The following GLRA3 variants were observed in gnomAD, a reference collection of about 807,000 sequenced individuals.
GLRA3 encodes glycine receptor alpha 3.
A neutral mutation model predicts 60.4 loss-of-function variants in GLRA3; 44 were observed. The ratio of observed to expected loss-of-function variants is 0.73; its 90% confidence interval spans 0.57 to 0.94. GLRA3 has a LOEUF of 0.94. Ranked by LOEUF, GLRA3 falls within the 40% of genes least tolerant of loss-of-function variation. The pLI, the probability that GLRA3 is intolerant of heterozygous loss-of-function variation, is 0.00. For missense variants in GLRA3, 508 were observed against 564.6 expected, an observed-to-expected ratio of 0.90 and a Z score of 1.02; for synonymous variants, 223 against 192.9, an observed-to-expected ratio of 1.16 and a Z score of -1.29.
intron 5 of GLRA3, among the ~76,000 whole-genome samples, chr4:174,710,481 A>G (rs1238044999): frequency 2.0e-5 from 3 of 152,144 alleles, no homozygotes; most frequent in African/African-American, 4.8e-5. Context: ...ATCTTTATGC[A>G]TAATTCTTCT....
chr4:174,797,696 G>T (rs1004099151), intron 1 of GLRA3, among the ~76,000 whole-genome samples: 8 of 152,146 alleles, frequency 5.3e-5, no homozygotes, highest in Admixed American at 3.3e-4. Context: ...GCACCGGGCG[G>T]CCAAGGTGGG....
intron 5 of GLRA3, among the ~76,000 whole-genome samples, chr4:174,695,754 CA>C (rs1180869025): frequency 6.6e-6 from 1 of 151,882 alleles, no homozygotes; most frequent in African/African-American, 2.4e-5. Context: ...TCAGGCAAGA[CA>C]AAGAAATAAA....
At chr4:174,682,736 T>C (rs765947624) in intron 6 of GLRA3, 66 bp downstream of exon 6, 1 of 1,166,440 alleles carries the variant, frequency 8.6e-7, no homozygotes, top group Non-Finnish European at 1.2e-6. Context: ...AGCATTATAA[T>C]GAAGAAACAT....
intron 1 of GLRA3, among the ~76,000 whole-genome samples, chr4:174,796,087 A>T (rs541442433): frequency 6.6e-6 from 1 of 152,280 alleles, no homozygotes; most frequent in South Asian, 2.1e-4. Context: ...CCCTAAGTTG[A>T]TGGTAATAGG....
chr4:174,665,778 G>A (rs1294133195), intron 7 of GLRA3, among the ~76,000 whole-genome samples: 1 of 152,062 alleles, frequency 6.6e-6, no homozygotes, highest in Non-Finnish European at 1.5e-5. Context: ...TGTATCTCTA[G>A]GATGCAGCAC....
At chr4:174,774,219 T>C (rs914492969) in intron 2 of GLRA3, among the ~76,000 whole-genome samples, 8 of 152,220 alleles carry the variant, frequency 5.3e-5, no homozygotes, top group African/African-American at 1.9e-4. Context: ...AATGGGAGCC[T>C]GGTTTCTTGC....
rs900520510 is a variant in GLRA3 at position 174,791,609 on chromosome 4, C to G, written c.72-2666G>C. Among the ~76,000 whole-genome samples, 2 of 152,156 alleles carry G rather than the reference C, an allele frequency of 1.3e-5. 1 individual carries two copies. Among genetic ancestry groups the G allele is most frequent in the Non-Finnish European group, 2.9e-5 (2 of 68,008 alleles). ...ACACTATCATACTTTCTTTTTAGCT[C>G]TTTGTACATGGTTTCCTTTAATTTT... On this transcript the variant is annotated intron_variant, in intron 1 of 9. Transcript: ENST00000274093.
In GLRA3 at chr4:174,643,507, T is replaced by C; in HGVS notation, c.*279A>G. Reference sequence around the variant, plus strand: ...AGATATTATATAACATATAAACACATTGGCAGTAAAGCTTCCACTTACATG... The same window carrying C: ...AGATATTATATAACATATAAACACACTGGCAGTAAAGCTTCCACTTACATG... On this transcript the variant is annotated 3_prime_UTR_variant, in exon 10 of 10. Coordinates refer to ENST00000274093, the MANE Select transcript of GLRA3 (RefSeq NM_006529.4). 6 of 1,079,654 alleles carry C rather than the reference T, an allele frequency of 5.6e-6. No individual in the cohort carries two copies. The highest frequency in any genetic ancestry group is 6.8e-6 in the Non-Finnish European group (6 of 884,810). 66.9% of individuals were successfully genotyped at this position (1,079,654 alleles called of 1,614,324 possible).
At chr4:174,724,639 G>T (rs181599358) in intron 4 of GLRA3, among the ~76,000 whole-genome samples, 4 of 151,706 alleles carry the variant, frequency 2.6e-5, no homozygotes, top group African/African-American at 9.7e-5. Flanking sequence ...CTTGATATTC[G>T]TATGCTTCTT....
At chr4:174,729,306 T>C (rs558512572) in intron 3 of GLRA3, among the ~76,000 whole-genome samples, 1 of 152,232 alleles carries the variant, frequency 6.6e-6, no homozygotes. Context: ...TAGTGAACTT[T>C]TCTTAAAAGC....
At chr4:174,743,145 T>G (rs998842255) in intron 3 of GLRA3, among the ~76,000 whole-genome samples, 1 of 152,204 alleles carries the variant, frequency 6.6e-6, no homozygotes, top group Non-Finnish European at 1.5e-5. Context: ...TCTGCTAATG[T>G]TAATATTTTA....
chr4:174,694,070 G>A (rs1332786177), intron 5 of GLRA3, among the ~76,000 whole-genome samples: 1 of 150,890 alleles, frequency 6.6e-6, no homozygotes, highest in Non-Finnish European at 1.5e-5. Flanking sequence ...ACCACAGGGG[G>A]CATTGAGATT....
intron 5 of GLRA3, among the ~76,000 whole-genome samples, chr4:174,700,039 C>T (rs1429402184): frequency 6.6e-6 from 1 of 152,048 alleles, no homozygotes. Flanking sequence ...GAAAAACTAA[C>T]TCAAGGTACA....
intron 1 of GLRA3, among the ~76,000 whole-genome samples, chr4:174,798,495 T>C (rs1173023195): frequency 6.6e-6 from 1 of 152,180 alleles, no homozygotes; most frequent in East Asian, 1.9e-4. Context: ...ATGTGATGTT[T>C]CGAGTATTTC....
chr4:174,733,525 C>A (rs1346744092), intron 3 of GLRA3, among the ~76,000 whole-genome samples: 1 of 152,182 alleles, frequency 6.6e-6, no homozygotes, highest in Non-Finnish European at 1.5e-5. Context: ...ACCTTCCCCC[C>A]TCTATCAGCC....
intron 7 of GLRA3, among the ~76,000 whole-genome samples, chr4:174,671,843 G>A (rs2110934989): frequency 6.6e-6 from 1 of 152,102 alleles, no homozygotes; most frequent in South Asian, 2.1e-4. Context: ...TAGAGACGGG[G>A]TTTTGCCATG....
rs117226143 is a variant in GLRA3 at position 174,755,929 on chromosome 4, G to A, written c.267+11034C>T. On this transcript the variant is annotated intron_variant, in intron 3 of 9. Transcript: ENST00000274093. Reference sequence around the variant, plus strand: ...AAAATGAGTGAAAACCAAATTACCCGTAAGAATAATAAAATTGGAAACATT... The same window carrying A: ...AAAATGAGTGAAAACCAAATTACCCATAAGAATAATAAAATTGGAAACATT... Among the ~76,000 whole-genome samples the A allele has an allele frequency of 1.8e-4, 27 of 152,054 alleles. 1 individual carries two copies. In the East Asian group the frequency reaches 2.7e-3, roughly 15 times the overall value.
chr4:174,649,306 A>C lies in GLRA3; in HGVS notation c.1117-5242T>G, dbSNP rs148717749. On this transcript the variant is annotated intron_variant, in intron 9 of 9. Coordinates refer to ENST00000274093, the MANE Select transcript of GLRA3 (RefSeq NM_006529.4). ...AAGGAGGCAAAGGATCAGCTATAGTAGCAGGTATCATGGTCACACTAAAAA... is the reference window on the plus strand; with the variant it reads ...AAGGAGGCAAAGGATCAGCTATAGTCGCAGGTATCATGGTCACACTAAAAA... 2.0e-3 allele frequency among the ~76,000 whole-genome samples: 305 copies of C among 152,276 alleles called. 1 individual carries two copies. Among genetic ancestry groups the C allele is most frequent in the African/African-American group, 7.1e-3 (295 of 41,560 alleles).
intron 5 of GLRA3, among the ~76,000 whole-genome samples, chr4:174,688,707 A>T (rs1734664715): frequency 6.6e-6 from 1 of 151,404 alleles, no homozygotes; most frequent in African/African-American, 2.4e-5. Flanking sequence ...TTATATGTTG[A>T]AGGTAGTTGA....
Sources: gnomAD v4.1 joint callset for allele counts (sites outside exome capture counted in the v4.1 genomes callset) on GRCh38, gnomAD v4.1.1 for gene constraint, MANE v1.5 for transcripts, NCBI Gene and HGNC (gene_info 2026-07-23, HGNC 2026-07-21) for gene names.